The following ARHGAP10 variants were observed in gnomAD, a reference collection of about 807,000 sequenced individuals.
ARHGAP10 encodes rho GTPase-activating protein 10.
A neutral mutation model predicts 108.6 loss-of-function variants in ARHGAP10; 87 were observed. That is an observed-to-expected ratio of 0.80 (90% CI 0.67 to 0.96). ARHGAP10 has a LOEUF of 0.96. Among genes scored for constraint, ARHGAP10 ranks in the 40% least tolerant of loss-of-function variants. The probability of loss-of-function intolerance (pLI) is 0.00; values close to 1 mark genes in which losing one functional copy is unlikely to be tolerated. For missense variants in ARHGAP10, 939 were observed against 954.5 expected, an observed-to-expected ratio of 0.98 and a Z score of 0.21; for synonymous variants, 347 against 341.1, an observed-to-expected ratio of 1.02 and a Z score of -0.19.
At chr4:147,800,889 G>A (rs1413440248) in intron 1 of ARHGAP10, among the ~76,000 whole-genome samples, 2 of 152,150 alleles carry the variant, frequency 1.3e-5, no homozygotes, top group African/African-American at 4.8e-5. Flanking sequence ...TTGTCTCACT[G>A]CAACCCACGC....
At chr4:147,810,931 A>G (rs1731992658) in intron 1 of ARHGAP10, among the ~76,000 whole-genome samples, 1 of 152,208 alleles carries the variant, frequency 6.6e-6, no homozygotes. Flanking sequence ...CAGTGAACAA[A>G]ATGAATAGAA....
chr4:148,016,000 G>T (rs1474007595), intron 18 of ARHGAP10, among the ~76,000 whole-genome samples: 2 of 152,188 alleles, frequency 1.3e-5, no homozygotes, highest in African/African-American at 4.8e-5. Flanking sequence ...TGATGTTGGA[G>T]GCAATGGAAC....
chr4:147,936,949 T>G (rs2118033), intron 13 of ARHGAP10, among the ~76,000 whole-genome samples: 108,619 of 152,082 alleles, frequency 0.71, 45,106 homozygotes, highest in Non-Finnish European at 0.93. Context: ...AGTGGCGACA[T>G]TAGATTGTTA....
intron 8 of ARHGAP10, among the ~76,000 whole-genome samples, chr4:147,876,323 T>C (rs754778046): frequency 1.3e-5 from 2 of 152,192 alleles, no homozygotes; most frequent in African/African-American, 2.4e-5. Flanking sequence ...CTGGGCGCGG[T>C]GGCTCACACT....
At chr4:147,840,582 A>G (rs1733373600) in intron 3 of ARHGAP10, among the ~76,000 whole-genome samples, 1 of 152,184 alleles carries the variant, frequency 6.6e-6, no homozygotes, top group Admixed American at 6.5e-5. Context: ...GGTATGTGTC[A>G]TCAGTGTATG....
At position 148,056,932 on chromosome 4, in the gene ARHGAP10, G is replaced by T. The variant is rs572794388; in HGVS notation, c.2028-6216G>T. 4.6e-5 allele frequency among the ~76,000 whole-genome samples: 7 copies of T among 152,210 alleles called. No individual in the cohort carries two copies. The South Asian group carries it at 1.2e-3, about 27-fold the overall frequency. On this transcript the variant is annotated intron_variant, in intron 20 of 22. Transcript: ENST00000336498. ...TTATTGACTGCTTGCTATGCTTCAG[G>T]GCTTTACGCCTATCATCTCATTTAA...
At chr4:147,771,975 A>G (rs770750911) in intron 1 of ARHGAP10, among the ~76,000 whole-genome samples, 2 of 152,150 alleles carry the variant, frequency 1.3e-5, no homozygotes, top group Non-Finnish European at 2.9e-5. Flanking sequence ...TATTTTTAGT[A>G]GAGGTTGGGT....
Position 148,014,386 on chromosome 4 carries a change from A to T in ARHGAP10, c.1717-8877A>T, listed in dbSNP as rs191360751. ...TGCAAATTGATAAAACTGCACCTGG[A>T]GTGTTTTTAAAGGTTTGCAAACCAG... On this transcript the variant is annotated intron_variant, in intron 18 of 22. Coordinates refer to ENST00000336498, the MANE Select transcript of ARHGAP10 (RefSeq NM_024605.4). 4.1e-4 allele frequency among the ~76,000 whole-genome samples: 62 copies of T among 152,330 alleles called. No individual in the cohort carries two copies. In the East Asian group the frequency reaches 9.1e-3, roughly 22 times the overall value.
intron 18 of ARHGAP10, among the ~76,000 whole-genome samples, chr4:147,998,967 T>C (rs1041176828): frequency 3.9e-5 from 6 of 152,206 alleles, no homozygotes; most frequent in African/African-American, 7.2e-5. Context: ...AGGTGGTATC[T>C]AAAACCTGGA....
intron 6 of ARHGAP10, 76 bp from the exon 7 acceptor site, chr4:147,866,636 C>A: frequency 1.9e-6 from 2 of 1,037,100 alleles, no homozygotes; most frequent in Non-Finnish European, 2.9e-6. Context: ...GCGGGGGGAA[C>A]ACTTGGTTGT....
At chr4:148,034,251 T>C (rs938657378) in intron 19 of ARHGAP10, among the ~76,000 whole-genome samples, 2 of 152,230 alleles carry the variant, frequency 1.3e-5, no homozygotes, top group African/African-American at 4.8e-5. Flanking sequence ...ATTTAGTCTT[T>C]TATTTCTGGT....
At chr4:147,810,663 C>G (rs984254954) in intron 1 of ARHGAP10, among the ~76,000 whole-genome samples, 7 of 152,154 alleles carry the variant, frequency 4.6e-5, no homozygotes, top group African/African-American at 1.7e-4. Context: ...AACCTAAATG[C>G]ACATACAGTG....
chr4:147,872,448 A>G (rs1383428700), intron 7 of ARHGAP10, among the ~76,000 whole-genome samples: 1 of 152,208 alleles, frequency 6.6e-6, no homozygotes, highest in African/African-American at 2.4e-5. Context: ...ATAGGTAGAT[A>G]AAGAAGTAGT....
Position 147,822,863 on chromosome 4 carries a change from G to A in ARHGAP10, c.251-33G>A, listed in dbSNP as rs760602950. On this transcript the variant is annotated intron_variant, in intron 2 of 22. Transcript: ENST00000336498. ...ATTTTGGTTTGTTTTCCTTTGCCAT[G>A]GCCACCAAATAATCACTCCTTTCTT... 3.1e-6 allele frequency: 5 copies of A among 1,613,522 alleles called. No individual in the cohort carries two copies. In the African/African-American group the frequency reaches 5.3e-5, roughly 17 times the overall value.
At chr4:147,873,027 G>A (rs1342246268) in intron 7 of ARHGAP10, among the ~76,000 whole-genome samples, 1 of 152,198 alleles carries the variant, frequency 6.6e-6, no homozygotes, top group Non-Finnish European at 1.5e-5. Flanking sequence ...CAAAGTTCAA[G>A]CCTGTGTTAA....
At chr4:147,972,579 G>A (rs919481549) in intron 18 of ARHGAP10, among the ~76,000 whole-genome samples, 1 of 152,086 alleles carries the variant, frequency 6.6e-6, no homozygotes, top group Non-Finnish European at 1.5e-5. Flanking sequence ...TTTCCTGTTA[G>A]GGGTAATAGA....
intron 1 of ARHGAP10, among the ~76,000 whole-genome samples, chr4:147,787,845 G>A (rs1017462179): frequency 6.6e-6 from 1 of 152,126 alleles, no homozygotes; most frequent in Non-Finnish European, 1.5e-5. Flanking sequence ...CAGCAGCAGC[G>A]TGACTGGAGT....
chr4:147,921,487 G>A (rs754665452), intron 13 of ARHGAP10, among the ~76,000 whole-genome samples: 1 of 152,182 alleles, frequency 6.6e-6, no homozygotes, highest in Non-Finnish European at 1.5e-5. Context: ...AGATGCCCCA[G>A]GGGCTTTCCT....
intron 6 of ARHGAP10, chr4:147,865,357 A>G (rs1734512564): frequency 6.4e-6 from 1 of 155,858 alleles, no homozygotes; most frequent in Non-Finnish European, 1.4e-5. Context: ...TTCAAACACA[A>G]TTCACAATGC....
Sources: allele counts gnomAD v4.1 joint callset (sites outside exome capture counted in the v4.1 genomes callset), GRCh38; gene constraint gnomAD v4.1.1; transcripts MANE v1.5; gene names NCBI Gene and HGNC (gene_info 2026-07-23, HGNC 2026-07-21).